DOCK11: variants seen among roughly 807,000 people sequenced by gnomAD.
DOCK11 encodes dedicator of cytokinesis 11.
DOCK11 carries 70 observed loss-of-function variants against 169.1 expected under a neutral mutation model. The ratio of observed to expected loss-of-function variants is 0.41; its 90% CI spans 0.34 to 0.51. The LOEUF is 0.51. DOCK11 is among the 20% of genes least tolerant of loss of function. DOCK11 has a pLI of 0.10. For missense variants in DOCK11, 1,166 were observed against 1,538.8 expected (o/e 0.76, Z 4.05); for synonymous variants, 529 against 541.3 (o/e 0.98, Z 0.32).
rs773743682 is a variant in DOCK11 at position 118,639,465 on chromosome X, C to T, written c.4032C>T (p.Phe1344=). ...ATGATGCCTGGCTGTCAAAACACTT[C>T]GGAATAGACCGAAAATCGCAAACCA... ...RVHDAWLSKH[F]GIDRKSQTMP... Residue 1344 remains phenylalanine (F), a synonymous_variant, in exon 38 of 53, where the codon TTC becomes TTT. Transcript: ENST00000276202. 1.2e-5 allele frequency: 14 copies of T among 1,209,228 alleles called. No homozygotes were observed. The highest frequency in any genetic ancestry group is 1.1e-4 in the African/African-American group (6 of 57,094).
intron 30 of DOCK11, among the ~76,000 whole-genome samples, chrX:118,617,882 C>CAAAT (rs1255953077): frequency 5.3e-4 from 59 of 110,920 alleles, no homozygotes; most frequent in Middle Eastern, 4.7e-3. Flanking sequence ...GACTCCATCT[C>CAAAT]AAATAAATAA....
intron 20 of DOCK11, among the ~76,000 whole-genome samples, chrX:118,595,256 G>A (rs1187319465): frequency 9.0e-6 from 1 of 111,676 alleles, no homozygotes. Context: ...GAGAGAAAGG[G>A]AAGTGCAGAA....
chrX:118,626,547 CACGTAATATTGT>C (rs1403432973), intron 32 of DOCK11, among the ~76,000 whole-genome samples: 1 of 111,829 alleles, frequency 8.9e-6, no homozygotes, highest in Non-Finnish European at 1.9e-5. Flanking sequence ...TTTGGCTGGC[CACGTAATATTGT>C]TGGGTAGCAG....
chrX:118,602,698 G>A (rs2014378877), intron 23 of DOCK11, among the ~76,000 whole-genome samples: 1 of 110,995 alleles, frequency 9.0e-6, no homozygotes, highest in African/African-American at 3.3e-5. Context: ...GCACCAATAT[G>A]CCTGGCTAAT....
chrX:118,543,963 A>C (rs1411296789), intron 4 of DOCK11, among the ~76,000 whole-genome samples: 4 of 111,715 alleles, frequency 3.6e-5, no homozygotes, highest in Non-Finnish European at 7.5e-5. Flanking sequence ...ACAAACAAAC[A>C]CCACTTGTGA....
At chrX:118,648,107 A>ATATT (rs2015823739) in intron 40 of DOCK11, among the ~76,000 whole-genome samples, 1 of 75,089 alleles carries the variant, frequency 1.3e-5, no homozygotes, top group Non-Finnish European at 2.3e-5. Context: ...TATACAATAT[A>ATATT]ATATATAAAT....
chrX:118,663,991 G>C lies in DOCK11; in HGVS notation c.5076+1199G>C, dbSNP rs746060843. On this transcript the variant is annotated intron_variant, in intron 45 of 52. Coordinates refer to ENST00000276202, the MANE Select transcript of DOCK11 (RefSeq NM_144658.4). Reference sequence around the variant, plus strand: ...CCTGGCCTCAAAGATTTTTGAGCAGGATGATGACTACATGAAAGCAAGGAA... The same window carrying C: ...CCTGGCCTCAAAGATTTTTGAGCAGCATGATGACTACATGAAAGCAAGGAA... 8.1e-5 allele frequency among the ~76,000 whole-genome samples: 9 copies of C among 111,048 alleles called. No individual in the cohort carries two copies. The South Asian group carries it at 3.4e-3, about 42-fold the overall frequency.
At chrX:118,672,978 G>A (rs1406946491) in intron 46 of DOCK11, among the ~76,000 whole-genome samples, 1 of 111,993 alleles carries the variant, frequency 8.9e-6, no homozygotes, top group Non-Finnish European at 1.9e-5. Flanking sequence ...ATAAGCTGAA[G>A]TATAGGTCAT....
At chrX:118,638,192 A>G in intron 37 of DOCK11, 65 bp downstream of exon 37, 1 of 1,058,111 alleles carries the variant, frequency 9.5e-7, no homozygotes, top group Non-Finnish European at 1.3e-6. Context: ...AATCTTAGTC[A>G]TGCCATGTAA....
At chrX:118,655,924 A>G (rs1285702301) in intron 44 of DOCK11, among the ~76,000 whole-genome samples, 1 of 112,265 alleles carries the variant, frequency 8.9e-6, no homozygotes, top group Non-Finnish European at 1.9e-5. Context: ...AGTTAACTGT[A>G]TATCTATCAT....
chrX:118,656,957 C>A (rs1330576974), intron 44 of DOCK11, among the ~76,000 whole-genome samples: 1 of 111,800 alleles, frequency 8.9e-6, no homozygotes, highest in Non-Finnish European at 1.9e-5. Flanking sequence ...CAGTAGAAAT[C>A]TGAAGATTTT....
At chrX:118,537,604 G>C (rs1483802697) in intron 1 of DOCK11, among the ~76,000 whole-genome samples, 1 of 111,887 alleles carries the variant, frequency 8.9e-6, no homozygotes, top group Non-Finnish European at 1.9e-5. Flanking sequence ...TTGGATGGTT[G>C]AATATATACA....
intron 1 of DOCK11, among the ~76,000 whole-genome samples, chrX:118,496,405 G>A (rs936885517): frequency 1.8e-5 from 2 of 112,499 alleles, no homozygotes; most frequent in Non-Finnish European, 3.8e-5. Context: ...ACCTCGCGCT[G>A]CTCTGGACTC....
chrX:118,529,092 C>T (rs1017435518), intron 1 of DOCK11, among the ~76,000 whole-genome samples: 6 of 109,367 alleles, frequency 5.5e-5, no homozygotes, highest in African/African-American at 1.3e-4. Flanking sequence ...CAGGCAATTC[C>T]GTCTCAGCCT....
chrX:118,503,996 T>A (rs1257411915), intron 1 of DOCK11, among the ~76,000 whole-genome samples: 1 of 110,673 alleles, frequency 9.0e-6, no homozygotes, highest in African/African-American at 3.3e-5. Flanking sequence ...AGGGGTTGAC[T>A]TCCTGCTCAG....
At position 118,625,799 on chromosome X, in the gene DOCK11, C is replaced by A. The variant is rs1276993950; in HGVS notation, c.3588+1144C>A. On this transcript the variant is annotated intron_variant, in intron 32 of 52. Coordinates refer to ENST00000276202, the MANE Select transcript of DOCK11 (RefSeq NM_144658.4). ...CAATTGGTCTGTGCTTTTTTTGCTCCCCTTAGAATTTTAAGAATTAGAAGG... is the reference window on the plus strand; with the variant it reads ...CAATTGGTCTGTGCTTTTTTTGCTCACCTTAGAATTTTAAGAATTAGAAGG... 3.9e-4 allele frequency among the ~76,000 whole-genome samples: 43 copies of A among 111,222 alleles called. No homozygotes were observed. In the Admixed American group the frequency reaches 4.0e-3, roughly 10 times the overall value.
Position 118,573,790 on chromosome X carries a change from C to T in DOCK11, c.1177-16C>T, listed in dbSNP as rs979140973. The T allele has an allele frequency of 8.5e-7, 1 of 1,183,217 alleles. No individual in the cohort carries two copies. The highest frequency in any genetic ancestry group is 1.9e-5 in the South Asian group (1 of 53,808). ...CTAAAGTCTCAGTTTTAAAATGTAA[C>T]TGTTTTCATTCCCAGGTTGAGCCCT... On this transcript the variant is annotated splice_polypyrimidine_tract_variant and intron_variant, in intron 11 of 52. Transcript: ENST00000276202.
intron 34 of DOCK11, among the ~76,000 whole-genome samples, chrX:118,629,229 A>C (rs1434349014): frequency 9.0e-6 from 1 of 111,631 alleles, no homozygotes; most frequent in East Asian, 2.8e-4. Flanking sequence ...ATTTATTCAC[A>C]AATGTTTCTC....
chrX:118,597,551 G>C lies in DOCK11; in HGVS notation c.2384G>C (p.Arg795Thr), dbSNP rs776401086. ...YLNLNDAESR[R>T]QCNVDIKWVD... ...AATCTGAATGATGCAGAATCAAGAA[G>C]GGTAGGAAAATACTGCATTTGTTGA... is the stretch of plus-strand genomic sequence containing the variant. The change falls in exon 21 of 53, where the codon AGG (arginine) becomes ACG (threonine). Residue 795 changes from arginine (R) to threonine (T), a missense_variant and splice_region_variant. Arg to Thr is a moderately conservative substitution (Grantham distance 71). Coordinates refer to ENST00000276202, the MANE Select transcript of DOCK11 (RefSeq NM_144658.4). 6 of 1,210,835 alleles carry C rather than the reference G, an allele frequency of 5.0e-6. No individual in the cohort carries two copies. Among genetic ancestry groups the C allele is most frequent in the East Asian group, 5.9e-5 (2 of 33,833 alleles).
Sources: gnomAD v4.1 joint callset for allele counts (sites outside exome capture counted in the v4.1 genomes callset) on GRCh38, gnomAD v4.1.1 for gene constraint, MANE v1.5 for transcripts, NCBI Gene and HGNC (gene_info 2026-07-23, HGNC 2026-07-21) for gene names.